Variants in ADH5 observed in about 807,000 individuals in gnomAD.
ADH5 encodes the protein alcohol dehydrogenase class-3.
A neutral mutation model predicts 40.3 loss-of-function variants in ADH5; 32 were observed. The observed-to-expected ratio is 0.79, with a 90% CI of 0.60 to 1.07. The LOEUF is 1.07. Ranked by LOEUF, ADH5 falls within the 50% of genes least tolerant of loss-of-function variation. The probability of loss-of-function intolerance (pLI) is 0.00; values close to 1 mark genes in which losing one functional copy is unlikely to be tolerated. For missense variants in ADH5, 353 were observed against 460.5 expected (o/e 0.77, Z 2.14); for synonymous variants, 125 against 154.3 (o/e 0.81, Z 1.41).
chr4:99,078,929 G>C (rs1197787253), intron 4 of ADH5, among the ~76,000 whole-genome samples: 1 of 152,200 alleles, frequency 6.6e-6, no homozygotes, highest in Non-Finnish European at 1.5e-5. Context: ...CTTTCAAAGT[G>C]ATTAGATTTT....
chr4:99,084,268 T>C (rs535105077), intron 2 of ADH5, among the ~76,000 whole-genome samples: 1 of 152,218 alleles, frequency 6.6e-6, no homozygotes, highest in South Asian at 2.1e-4. Context: ...ACAAGACACA[T>C]GTCACAAAGA....
At chr4:99,083,689 G>A (rs1487086514) in intron 2 of ADH5, among the ~76,000 whole-genome samples, 2 of 151,384 alleles carry the variant, frequency 1.3e-5, no homozygotes, top group Non-Finnish European at 2.9e-5. Context: ...TTGGGAGCAT[G>A]AGCCAGTATG....
intron 4 of ADH5, among the ~76,000 whole-genome samples, chr4:99,078,179 A>G (rs886132805): frequency 1.3e-5 from 2 of 152,212 alleles, no homozygotes; most frequent in Non-Finnish European, 2.9e-5. Flanking sequence ...CCTGCATCTC[A>G]GTACCAAGTA....
At chr4:99,076,577 G>C in intron 5 of ADH5, 25 bp from the exon 6 acceptor site, 1 of 1,606,752 alleles carries the variant, frequency 6.2e-7, no homozygotes, top group East Asian at 2.2e-5. Context: ...AGTTTATAAA[G>C]TACTCATTCT....
chr4:99,075,020 G>C lies in ADH5; in HGVS notation c.855C>G (p.Gly285=). Reference sequence around the variant, plus strand: ...CTCCAACCACGACGCTGACGCCCCAGCCCTTGTGACATGCCTCAAGTGCTG... The same window carrying C: ...CTCCAACCACGACGCTGACGCCCCACCCCTTGTGACATGCCTCAAGTGCTG... ...MRAALEACHK[G]WGVSVVVGVA... The change falls in exon 7 of 9, where the codon GGC becomes GGG. Residue 285 remains glycine (G), a synonymous_variant. Coordinates refer to ENST00000296412, the MANE Select transcript of ADH5 (RefSeq NM_000671.4). 6.2e-7 allele frequency: 1 copy of C among 1,612,546 alleles called. No individual in the cohort carries two copies. The highest frequency in any genetic ancestry group is 8.5e-7 in the Non-Finnish European group (1 of 1,178,990).
chr4:99,082,159 T>A lies in ADH5; in HGVS notation c.115-43A>T, dbSNP rs185045965. ...CAACGAATGTGTAAGTATGTGTGCA[T>A]GCAATTCAGAGGTACAGATACAAGA... On this transcript the variant is annotated intron_variant, in intron 2 of 8. Transcript: ENST00000296412. 144 of 1,596,570 alleles carry A rather than the reference T, an allele frequency of 9.0e-5. No individual in the cohort carries two copies. The African/African-American group carries it at 1.7e-3, about 19-fold the overall frequency.
Position 99,081,968 on chromosome 4 carries a change from T to G in ADH5, c.256+7A>C. 6.2e-7 allele frequency: 1 copy of G among 1,613,460 alleles called. No individual in the cohort carries two copies. The highest frequency in any genetic ancestry group is 1.1e-5 in the South Asian group (1 of 91,024). ...TATTAAACAAGTGGTTCAAGTATTC[T>G]CCTTACCCGCCTTCAGCTTAGTAAC... is the stretch of plus-strand genomic sequence containing the variant. On this transcript the variant is annotated splice_region_variant and intron_variant, in intron 3 of 8. Transcript: ENST00000296412.
rs28730598 is a variant in ADH5, at chr4:99,081,656, T to C, written c.257-204A>G. 285 of 575,490 alleles carry C rather than the reference T, an allele frequency of 5.0e-4. 1 individual carries two copies. In the African/African-American group the frequency reaches 5.1e-3, roughly 10 times the overall value. The allele number at this position is 575,490 out of a possible 1,614,324, so 35.6% of individuals were successfully genotyped here. Reference sequence around the variant, plus strand: ...ATATTTTTATCTAAATGAAACTCTTTAAACAATAACTGAAGAACAATGAAG... The same window carrying C: ...ATATTTTTATCTAAATGAAACTCTTCAAACAATAACTGAAGAACAATGAAG... On this transcript the variant is annotated intron_variant, in intron 3 of 8. Coordinates refer to ENST00000296412, the MANE Select transcript of ADH5 (RefSeq NM_000671.4).
At chr4:99,087,200 A>C (rs1323154009) in intron 1 of ADH5, among the ~76,000 whole-genome samples, 1 of 151,652 alleles carries the variant, frequency 6.6e-6, no homozygotes, top group Non-Finnish European at 1.5e-5. Flanking sequence ...CCTGGCCACT[A>C]TGGCGAAACC....
intron 4 of ADH5, among the ~76,000 whole-genome samples, chr4:99,077,537 C>T (rs1727952632): frequency 1.3e-5 from 2 of 152,084 alleles, no homozygotes; most frequent in Admixed American, 6.6e-5. Flanking sequence ...GCAAATATAA[C>T]ATCATAAAGG....
chr4:99,088,772 G>A lies in ADH5; in HGVS notation c.-72C>T, dbSNP rs11568816. ...CGCGCAGCGACGGAGGCATGGGCGT[G>A]GCGAGCGCCTAGCGAGGGGGGCGGG... On this transcript the variant is annotated 5_prime_UTR_variant, in exon 1 of 9. Coordinates refer to ENST00000296412, the MANE Select transcript of ADH5 (RefSeq NM_000671.4). The A allele has an allele frequency of 3.8e-4, 518 of 1,368,748 alleles. No homozygotes were observed. Among genetic ancestry groups the A allele is most frequent in the Non-Finnish European group, 4.6e-4 (467 of 1,006,098 alleles). 84.8% of individuals were successfully genotyped at this position (1,368,748 alleles called of 1,614,324 possible).
Position 99,076,508 on chromosome 4 carries a change from G to A in ADH5, c.609C>T (p.Val203=), listed in dbSNP as rs781616282. 11 of 1,613,940 alleles carry A rather than the reference G, an allele frequency of 6.8e-6. No homozygotes were observed. Among genetic ancestry groups the A allele is most frequent in the South Asian group, 1.1e-5 (1 of 91,078 alleles). Residue 203 remains valine (V), a synonymous_variant, in exon 6 of 9, where the codon GTC becomes GTT. Transcript: ENST00000296412. ...SVCAVFGLGG[V]GLAVIMGCKV... is the part of the protein sequence containing the mutation. ...TACAGCCCATGATAACTGCCAATCC[G>A]ACTCCTCCCAGACCAAAGACGGCAC...
intron 4 of ADH5, among the ~76,000 whole-genome samples, chr4:99,077,452 G>A (rs979734253): frequency 6.6e-6 from 1 of 152,094 alleles, no homozygotes; most frequent in Non-Finnish European, 1.5e-5. Context: ...CCGTGACTGT[G>A]CCACTACATT....
intron 1 of ADH5, among the ~76,000 whole-genome samples, chr4:99,087,558 A>T (rs1178578874): frequency 6.6e-6 from 1 of 152,238 alleles, no homozygotes; most frequent in Non-Finnish European, 1.5e-5. Context: ...TCAACTCCAC[A>T]AGTCAGATTC....
intron 7 of ADH5, among the ~76,000 whole-genome samples, chr4:99,074,333 G>A (rs1391551945): frequency 1.3e-5 from 2 of 152,114 alleles, no homozygotes; most frequent in Non-Finnish European, 2.9e-5. Flanking sequence ...GATAGAAACT[G>A]TTTCCCCGCA....
rs1727822744 is a variant in ADH5 at position 99,070,994 on chromosome 4, A to G, written c.*1423T>C. ...CCAGGAAGATTTATGTGACTACATTAAAACTTTATTCAACAAAATACCATA... is the reference window on the plus strand; with the variant it reads ...CCAGGAAGATTTATGTGACTACATTGAAACTTTATTCAACAAAATACCATA... On this transcript the variant is annotated 3_prime_UTR_variant, in exon 9 of 9. Coordinates refer to ENST00000296412, the MANE Select transcript of ADH5 (RefSeq NM_000671.4). 1 of 152,248 alleles carries G rather than the reference A, an allele frequency of 6.6e-6. No homozygotes were observed. Among genetic ancestry groups the G allele is most frequent in the Non-Finnish European group, 1.5e-5 (1 of 68,036 alleles). The allele number at this position is 152,248 out of a possible 1,614,324, so 9.4% of individuals were successfully genotyped here.
In ADH5 at chr4:99,072,431, C is replaced by G. The variant is rs1727852650; in HGVS notation, c.1111G>C (p.Val371Leu). The change falls in exon 9 of 9, where the codon GTT becomes CTT. Residue 371 changes from valine to leucine, a missense_variant. Physicochemically the swap from Val to Leu is conservative, Grantham distance 32. Transcript: ENST00000296412. ...LMHSGKSIRT[V>L]VKI Reference sequence around the variant, plus strand: ...TCTCTTTTGAATTAAATCTTTACAACAGTTCGAATGCTGTAAAAGGAAGCA... The same window carrying G: ...TCTCTTTTGAATTAAATCTTTACAAGAGTTCGAATGCTGTAAAAGGAAGCA... 3.1e-6 allele frequency: 5 copies of G among 1,613,208 alleles called. No homozygotes were observed. The highest frequency in any genetic ancestry group is 4.2e-6 in the Non-Finnish European group (5 of 1,179,336).
At chr4:99,082,286 C>T (rs1393242934) in intron 2 of ADH5, among the ~76,000 whole-genome samples, 170 bp from the exon 3 acceptor site, 1 of 152,198 alleles carries the variant, frequency 6.6e-6, no homozygotes, top group Non-Finnish European at 1.5e-5. Context: ...TCCATGGCAT[C>T]TTAACAATTA....
In ADH5 at chr4:99,071,320, A is replaced by T. The variant is rs1727829007; in HGVS notation, c.*1097T>A. Reference sequence around the variant, plus strand: ...GCAATTTGGCAATGTCTATAAGGCTAAATGTGTTTATTCTGTGATACGTCT... The same window carrying T: ...GCAATTTGGCAATGTCTATAAGGCTTAATGTGTTTATTCTGTGATACGTCT... On this transcript the variant is annotated 3_prime_UTR_variant, in exon 9 of 9. Transcript: ENST00000296412. 1.3e-5 allele frequency: 2 copies of T among 152,248 alleles called. No homozygotes were observed. The highest frequency in any genetic ancestry group is 4.1e-4 in the South Asian group (2 of 4,830). The allele number at this position is 152,248 out of a possible 1,614,324, so 9.4% of individuals were successfully genotyped here. A position where few individuals can be genotyped will look rare whatever the true frequency, so the allele number is the denominator to read the frequency against.
Sources: gnomAD v4.1 joint callset for allele counts (sites outside exome capture counted in the v4.1 genomes callset) on GRCh38, gnomAD v4.1.1 for gene constraint, MANE v1.5 for transcripts, NCBI Gene and HGNC (gene_info 2026-07-23, HGNC 2026-07-21) for gene names.